The following CHRD variants were observed in gnomAD, a reference collection of about 807,000 sequenced individuals.
CHRD encodes the protein chordin.
A neutral mutation model predicts 113.7 loss-of-function variants in CHRD; 69 were observed. The observed-to-expected ratio is 0.61, with a 90% CI of 0.50 to 0.74. The LOEUF (loss-of-function observed/expected upper bound fraction) is 0.74, where lower values mean the gene tolerates loss of function less well. Ranked by LOEUF, CHRD falls within the 30% of genes least tolerant of loss-of-function variation. The pLI, the probability that CHRD is intolerant of heterozygous loss-of-function variation, is 0.00. For missense variants in CHRD, 1,194 were observed against 1,295.8 expected (o/e 0.92, Z 1.21); for synonymous variants, 561 against 540.8 (o/e 1.04, Z -0.52).
Position 184,384,402 on chromosome 3 carries a change from G to A in CHRD, c.1441-135G>A, listed in dbSNP as rs1455326683. ...CAGCAGGGGAGGGCCTTGAAACTGG[G>A]CCTGCCAGGTCCTTATCCTGTGTTT... is the stretch of plus-strand genomic sequence containing the variant. On this transcript the variant is annotated intron_variant, in intron 12 of 22. Coordinates refer to ENST00000204604, the Ensembl canonical transcript of CHRD. The surrounding 1 kb of genome is among the most constrained non-coding windows in gnomAD (Gnocchi z 4.4). 1.0e-5 allele frequency: 11 copies of A among 1,070,836 alleles called. No homozygotes were observed. The highest frequency in any genetic ancestry group is 1.2e-5 in the Non-Finnish European group (10 of 811,986). 66.3% of individuals were successfully genotyped at this position (1,070,836 alleles called of 1,614,324 possible). A position where few individuals can be genotyped will look rare whatever the true frequency, so the allele number is the denominator to read the frequency against.
exon 14 of CHRD, chr3:184,385,191 G>A (rs747953177): frequency 6.2e-7 from 1 of 1,613,998 alleles, no homozygotes; most frequent in Non-Finnish European, 8.5e-7. Context: ...TGGGCCTCCT[G>A]GAACGCCAGG....
intron 22 of CHRD, 146 bp downstream of exon 22, chr3:184,389,141 C>A: frequency 1.5e-6 from 1 of 676,476 alleles, no homozygotes; most frequent in Non-Finnish European, 2.6e-6. Context: ...CTCACAGCAA[C>A]CTGGTGGAAT....
At chr3:184,382,555 T>C (rs1715610645) in intron 7 of CHRD, 25 bp downstream of exon 7, 1 of 1,612,992 alleles carries the variant, frequency 6.2e-7, no homozygotes, top group Non-Finnish European at 8.5e-7. Flanking sequence ...GCCCCGGGCG[T>C]GAAGTTCTGA....
rs1380063832 is a variant in CHRD at position 184,382,909 on chromosome 3, C to T, written c.1036C>T (p.Arg346Ter). The T allele has an allele frequency of 3.7e-6, 6 of 1,613,810 alleles. No individual in the cohort carries two copies. The highest frequency in any genetic ancestry group is 2.7e-5 in the African/African-American group (2 of 74,898). The change falls in exon 9 of 23, where the codon CGA becomes TGA. Residue 346 changes from arginine (R) to a stop codon, truncating the protein, a stop_gained. Transcript: ENST00000204604. LOFTEE classifies it high-confidence loss of function. ...GATTCTACACCAGGGGCAGCTACTG[C>T]GAGAACTTCAGGCCAATGTCTCAGC... is the stretch of plus-strand genomic sequence containing the variant.
chr3:184,386,134 GC>G lies in CHRD; in HGVS notation c.1911del (p.Arg638GlufsTer10). On this transcript the variant is annotated frameshift_variant, in exon 15 of 23. Coordinates refer to ENST00000204604, the Ensembl canonical transcript of CHRD. LOFTEE classifies it high-confidence loss of function. ...TCCCTGATGATCACCACCAAGGGTA[GC>G]CCCAGAGGGGAGCTCCGAGGGCAGG... 1 of 1,614,218 alleles carries G rather than the reference GC, an allele frequency of 6.2e-7. No homozygotes were observed. Among genetic ancestry groups the G allele is most frequent in the Non-Finnish European group, 8.5e-7 (1 of 1,180,040 alleles).
chr3:184,386,339 C>G, intron 15 of CHRD, 153 bp from the exon 16 acceptor site: 1 of 1,285,106 alleles, frequency 7.8e-7, no homozygotes, highest in Non-Finnish European at 1.1e-6. Flanking sequence ...GCACCCTATC[C>G]CTGGCAGCTG....
At chr3:184,386,394 C>A in intron 15 of CHRD, 98 bp from the exon 16 acceptor site, 1 of 1,485,042 alleles carries the variant, frequency 6.7e-7, no homozygotes. Context: ...CACTGCAGCG[C>A]TCAGGGGGCC....
chr3:184,384,890 C>T lies in CHRD; in HGVS notation c.1598-128C>T, dbSNP rs1716041199. On this transcript the variant is annotated intron_variant, in intron 13 of 22. Coordinates refer to ENST00000204604, the Ensembl canonical transcript of CHRD. This position sits in a 1 kb window ranked among gnomAD's most constrained non-coding sequence, Gnocchi z 4.4. ...CAAGGGTCTAAAACTTGCTGCTCTC[C>T]AGGCCCTGGACCTATGGACAGTGTC... 3 of 1,226,888 alleles carry T rather than the reference C, an allele frequency of 2.4e-6. No homozygotes were observed. In the African/African-American group the frequency reaches 4.5e-5, roughly 18 times the overall value. 76.0% of individuals were successfully genotyped at this position (1,226,888 alleles called of 1,614,324 possible).
At position 184,381,966 on chromosome 3, in the gene CHRD, C is replaced by T; in HGVS notation, c.645C>T (p.Asp215=). 1 of 1,614,206 alleles carries T rather than the reference C, an allele frequency of 6.2e-7. No individual in the cohort carries two copies. ...GCCCTACCAGGATCCGCTTCTCAGA[C>T]TCCAATGGCAGTGTCCTGTTTGAGC... is the stretch of plus-strand genomic sequence containing the variant. Residue 215 remains aspartate (D), a synonymous_variant, in exon 6 of 23, where the codon GAC becomes GAT. Transcript: ENST00000204604. The surrounding 1 kb of genome is among the most constrained non-coding windows in gnomAD (Gnocchi z 4.7).
At chr3:184,382,818 C>T (rs777823372) in intron 8 of CHRD, 38 bp from the exon 9 acceptor site, 1 of 1,612,356 alleles carries the variant, frequency 6.2e-7, no homozygotes, top group South Asian at 1.1e-5. Context: ...TTAGGGAGAG[C>T]ACCTGTCTCA....
At chr3:184,386,818 C>T (rs757846329) in intron 16 of CHRD, 27 bp from the exon 17 acceptor site, 14 of 1,613,876 alleles carry the variant, frequency 8.7e-6, no homozygotes, top group Non-Finnish European at 1.1e-5. Context: ...TGGACACTCC[C>T]GTCAATGCCT....
chr3:184,381,715 G>C lies in CHRD; in HGVS notation c.512-1G>C. On this transcript the variant is annotated splice_acceptor_variant, in intron 4 of 22. Transcript: ENST00000204604. LOFTEE classifies it high-confidence loss of function. This position sits in a 1 kb window ranked among gnomAD's most constrained non-coding sequence, Gnocchi z 4.7. ...CTCAGGCCATCTTCCTCCCGTCCCA[G>C]ACTTCGTGGCGCTGCTGACAGGGCC... 6.2e-7 allele frequency: 1 copy of C among 1,612,972 alleles called. No individual in the cohort carries two copies. Among genetic ancestry groups the C allele is most frequent in the Non-Finnish European group, 8.5e-7 (1 of 1,179,910 alleles).
Position 184,382,378 on chromosome 3 carries a change from C to T in CHRD, c.700-11C>T, listed in dbSNP as rs766322556. ...GTCTGAGCGTAGGGCCTTCTTGTCT[C>T]TCTGCTCCAGGTCTGTGGGGTGTGG... On this transcript the variant is annotated splice_polypyrimidine_tract_variant and intron_variant, in intron 6 of 22. Coordinates refer to ENST00000204604, the Ensembl canonical transcript of CHRD. 27 of 1,614,172 alleles carry T rather than the reference C, an allele frequency of 1.7e-5. No homozygotes were observed. The highest frequency in any genetic ancestry group is 2.3e-5 in the Non-Finnish European group (27 of 1,180,008).
Position 184,381,359 on chromosome 3 carries a change from C to A in CHRD, c.377C>A (p.Pro126His). The change falls in exon 3 of 23, where the codon CCC becomes CAC. Residue 126 changes from proline to histidine, a missense_variant. Coordinates refer to ENST00000204604, the Ensembl canonical transcript of CHRD. This position sits in a 1 kb window ranked among gnomAD's most constrained non-coding sequence, Gnocchi z 4.7. The stretch of plus-strand genomic sequence containing the variant: ...CCGGGACACTGCTGCCAGACCTGCC[C>A]CCAGGGTAAGTCTTGCTCCGCCCTG... 1 of 1,594,200 alleles carries A rather than the reference C, an allele frequency of 6.3e-7. No homozygotes were observed. The highest frequency in any genetic ancestry group is 8.5e-7 in the Non-Finnish European group (1 of 1,170,682).
At chr3:184,386,393 G>A (rs1214998843) in intron 15 of CHRD, 99 bp from the exon 16 acceptor site, 21 of 1,478,930 alleles carry the variant, frequency 1.4e-5, no homozygotes, top group Middle Eastern at 2.4e-4. Context: ...CCACTGCAGC[G>A]CTCAGGGGGC....
chr3:184,382,028 G>A lies in CHRD; in HGVS notation c.699+8G>A, dbSNP rs373910177. ...CCCACCCAAGATGGCCTGGTGAGAT[G>A]ATGCCATTTATGAGCACTTGCCCAG... On this transcript the variant is annotated splice_region_variant and intron_variant, in intron 6 of 22. Coordinates refer to ENST00000204604, the Ensembl canonical transcript of CHRD. 52 of 1,613,446 alleles carry A rather than the reference G, an allele frequency of 3.2e-5. No individual in the cohort carries two copies. The highest frequency in any genetic ancestry group is 4.2e-5 in the Non-Finnish European group (49 of 1,179,974).
chr3:184,382,884 G>C, exon 9 of CHRD: 2 of 1,613,592 alleles, frequency 1.2e-6, no homozygotes, highest in Non-Finnish European at 1.7e-6. Context: ...TGAGGCTCCA[G>C]ATTCTACACC....
intron 15 of CHRD, 88 bp downstream of exon 15, chr3:184,386,247 C>A: frequency 1.4e-6 from 2 of 1,417,150 alleles, no homozygotes; most frequent in Non-Finnish European, 2.0e-6. Context: ...CACTTGCTGT[C>A]TCTGAGTCCT....
chr3:184,383,118 G>A (rs1244844100), exon 10 of CHRD: 3 of 1,611,060 alleles, frequency 1.9e-6, no homozygotes, highest in Non-Finnish European at 2.5e-6. Context: ...AGGCAGGCCA[G>A]GGCTGCGCAT....
Sources: gnomAD v4.1 joint callset for allele counts on GRCh38, gnomAD v4.1.1 for gene constraint, Gnocchi (gnomAD v3.1) non-coding constraint, MANE v1.5 for transcripts, NCBI Gene and HGNC (gene_info 2026-07-23, HGNC 2026-07-21) for gene names.